DPP10: variants seen among roughly 807,000 people sequenced by gnomAD.
DPP10 encodes the protein dipeptidyl peptidase like 10.
DPP10 carries 33 observed loss-of-function variants against 120.9 expected under a neutral mutation model. The observed-to-expected ratio is 0.27, with a 90% confidence interval of 0.21 to 0.37. The LOEUF is 0.37. DPP10 is among the 10% of genes least tolerant of loss of function. The pLI is 1.00. For missense variants in DPP10, 816 were observed against 942.8 expected (o/e 0.87, Z 1.76); for synonymous variants, 337 against 326.1 (o/e 1.03, Z -0.36).
At chr2:115,591,035 C>A (rs952186198) in intron 5 of DPP10, among the ~76,000 whole-genome samples, 8 of 151,950 alleles carry the variant, frequency 5.3e-5, no homozygotes, top group Admixed American at 2.0e-4. Context: ...TGTTTAAGTT[C>A]TTTGTAGATT....
chr2:115,454,755 G>T (rs2073389884), intron 3 of DPP10, among the ~76,000 whole-genome samples: 1 of 151,396 alleles, frequency 6.6e-6, no homozygotes, highest in African/African-American at 2.4e-5. Context: ...GCAATTAACA[G>T]CACTCAAATT....
intron 1 of DPP10, among the ~76,000 whole-genome samples, chr2:115,251,799 G>C (rs959834328): frequency 6.6e-6 from 1 of 152,124 alleles, no homozygotes; most frequent in Non-Finnish European, 1.5e-5. Context: ...CCTTCAGAGT[G>C]GTTACAATGT....
chr2:114,463,791 C>T (rs1679126219), intron 1 of DPP10, among the ~76,000 whole-genome samples: 1 of 152,178 alleles, frequency 6.6e-6, no homozygotes, highest in Admixed American at 6.5e-5. Context: ...CTGTGCTTCA[C>T]CTAGTCAACT....
chr2:115,373,982 C>G (rs976329315), intron 3 of DPP10, among the ~76,000 whole-genome samples: 1 of 151,894 alleles, frequency 6.6e-6, no homozygotes, highest in Non-Finnish European at 1.5e-5. Context: ...AAAAACAAGG[C>G]GGATATCTGC....
intron 19 of DPP10, among the ~76,000 whole-genome samples, chr2:115,801,611 A>G (rs892059076): frequency 6.6e-6 from 1 of 152,166 alleles, no homozygotes; most frequent in African/African-American, 2.4e-5. Context: ...CGTCTCATCT[A>G]TACCTAGTTT....
chr2:114,603,803 G>T (rs1692565399), intron 1 of DPP10, among the ~76,000 whole-genome samples: 2 of 152,118 alleles, frequency 1.3e-5, no homozygotes, highest in South Asian at 4.1e-4. Context: ...AGGTTGGTGG[G>T]CAAATGCCCT....
chr2:115,428,920 G>A (rs1347545671), intron 3 of DPP10, among the ~76,000 whole-genome samples: 3 of 152,062 alleles, frequency 2.0e-5, no homozygotes, highest in African/African-American at 7.2e-5. Flanking sequence ...AAGTCTCTTT[G>A]AAGAGGAACC....
At chr2:114,698,615 A>C (rs979272163) in intron 1 of DPP10, among the ~76,000 whole-genome samples, 6 of 152,130 alleles carry the variant, frequency 3.9e-5, no homozygotes. Context: ...ACCTTCTAGA[A>C]CAAGGGTTGA....
intron 1 of DPP10, chr2:114,828,701 T>C (rs1201237545): frequency 6.6e-6 from 1 of 152,130 alleles, no homozygotes; most frequent in East Asian, 1.9e-4. Context: ...TTAAAAGACA[T>C]AGAAGAAGCC....
At chr2:114,819,144 T>G (rs1685875891) in intron 1 of DPP10, among the ~76,000 whole-genome samples, 1 of 135,776 alleles carries the variant, frequency 7.4e-6, no homozygotes, top group African/African-American at 2.5e-5. Flanking sequence ...ATTTTCCTAG[T>G]TCTCTTGCAG....
intron 5 of DPP10, among the ~76,000 whole-genome samples, chr2:115,622,510 C>CTTTTTTTTTTTTTTTTTTTTTTTTT (rs70941082): frequency 4.3e-5 from 5 of 117,448 alleles, no homozygotes; most frequent in South Asian, 2.9e-4. Flanking sequence ...ATTTTATTGT[C>CTTTTTTTTTTTTTTTTTTTTTTTTT]TTTTTTTTTT....
At chr2:115,460,542 C>A (rs1046486862) in intron 3 of DPP10, among the ~76,000 whole-genome samples, 6 of 152,088 alleles carry the variant, frequency 3.9e-5, no homozygotes, top group African/African-American at 1.4e-4. Flanking sequence ...CAAATATATT[C>A]AAGTTTCTCA....
intron 1 of DPP10, among the ~76,000 whole-genome samples, chr2:114,717,194 TGACTG>T: frequency 6.6e-6 from 1 of 152,266 alleles, no homozygotes; most frequent in Non-Finnish European, 1.5e-5. Context: ...CAATAAAAGG[TGACTG>T]CATATGGAGA....
intron 1 of DPP10, among the ~76,000 whole-genome samples, chr2:115,203,605 A>G (rs964743396): frequency 6.6e-6 from 1 of 151,804 alleles, no homozygotes; most frequent in African/African-American, 2.4e-5. Context: ...TAATTTTTCT[A>G]CCTCAGGAAA....
At chr2:115,383,065 A>G (rs1328304955) in intron 3 of DPP10, among the ~76,000 whole-genome samples, 1 of 152,234 alleles carries the variant, frequency 6.6e-6, no homozygotes, top group African/African-American at 2.4e-5. Flanking sequence ...TAGAAGGAAC[A>G]CTATCAAAGA....
chr2:115,342,205 A>G (rs762201016), intron 2 of DPP10: 5 of 443,604 alleles, frequency 1.1e-5, no homozygotes, highest in South Asian at 7.9e-5. Context: ...GTGTGTGTGT[A>G]ATTTGTTTTT....
chr2:115,577,923 C>G (rs1377777077), intron 5 of DPP10, among the ~76,000 whole-genome samples: 5 of 152,180 alleles, frequency 3.3e-5, no homozygotes, highest in Non-Finnish European at 7.3e-5. Flanking sequence ...GTTAGGACTT[C>G]AGCATACATA....
intron 1 of DPP10, among the ~76,000 whole-genome samples, chr2:114,527,254 T>A (rs533855896): frequency 1.3e-5 from 2 of 152,320 alleles, no homozygotes; most frequent in South Asian, 4.1e-4. Flanking sequence ...CAACCAGGTA[T>A]TGTTTCAATA....
At chr2:115,523,636 C>T (rs1387044126) in intron 4 of DPP10, among the ~76,000 whole-genome samples, 1 of 152,034 alleles carries the variant, frequency 6.6e-6, no homozygotes, top group Non-Finnish European at 1.5e-5. Context: ...TCCTTAAAAA[C>T]AATACACCTC....
Sources: gnomAD v4.1 joint callset for allele counts (sites outside exome capture counted in the v4.1 genomes callset) on GRCh38, gnomAD v4.1.1 for gene constraint, MANE v1.5 for transcripts, NCBI Gene and HGNC (gene_info 2026-07-23, HGNC 2026-07-21) for gene names.